SCHIP1: variants seen among roughly 807,000 people sequenced by gnomAD.
The protein encoded by SCHIP1 is schwannomin interacting protein 1, also known as schwannomin-interacting protein 1.
SCHIP1 carries 8 observed loss-of-function variants against 29.7 expected under a neutral mutation model. The ratio of observed to expected loss-of-function variants is 0.27; its 90% CI spans 0.16 to 0.49. The LOEUF (loss-of-function observed/expected upper bound fraction) is 0.49. Ranked by LOEUF, SCHIP1 falls within the 20% of genes least tolerant of loss-of-function variation. SCHIP1 has a pLI of 0.99. For missense variants in SCHIP1, 193 were observed against 294.6 expected, an observed-to-expected ratio of 0.66 and a Z score of 2.52; for synonymous variants, 76 against 94.9, an observed-to-expected ratio of 0.80 and a Z score of 1.16.
chr3:159,408,376 CA>C, the SCHIP1 span, among the ~76,000 whole-genome samples: 1 of 135,634 alleles, frequency 7.4e-6, no homozygotes, highest in East Asian at 2.1e-4. Flanking sequence ...ATTAATGAAA[CA>C]AAAAGTTGGT....
chr3:159,499,068 C>G, the SCHIP1 span, among the ~76,000 whole-genome samples: 4 of 152,260 alleles, frequency 2.6e-5, no homozygotes, highest in Admixed American at 2.6e-4. Context: ...GATTTCAACC[C>G]CACCCCCATT....
chr3:159,374,567 A>C, the SCHIP1 span, among the ~76,000 whole-genome samples: 3 of 152,186 alleles, frequency 2.0e-5, no homozygotes, highest in Non-Finnish European at 4.4e-5. Context: ...TAATGATGAG[A>C]CATGACAAAA....
chr3:159,602,583 C>A, the SCHIP1 span, among the ~76,000 whole-genome samples: 1 of 152,074 alleles, frequency 6.6e-6, no homozygotes, highest in Middle Eastern at 3.4e-3. Context: ...GTGGCAGGCA[C>A]CTGTAATCCC....
the SCHIP1 span, among the ~76,000 whole-genome samples, chr3:159,717,547 T>G: frequency 6.6e-6 from 1 of 152,068 alleles, no homozygotes; most frequent in Non-Finnish European, 1.5e-5. Flanking sequence ...ATAAAGGGGA[T>G]ATCACCACCA....
At chr3:159,545,816 G>T in the SCHIP1 span, among the ~76,000 whole-genome samples, 1 of 150,326 alleles carries the variant, frequency 6.7e-6, no homozygotes, top group African/African-American at 2.4e-5. Context: ...CATTTGTTCT[G>T]TCCCTCTAGA....
At chr3:159,409,271 C>T in the SCHIP1 span, among the ~76,000 whole-genome samples, 1 of 151,934 alleles carries the variant, frequency 6.6e-6, no homozygotes, top group African/African-American at 2.4e-5. Context: ...CAATATAATG[C>T]TGGAATTCCT....
chr3:159,825,053 A>G, the SCHIP1 span, among the ~76,000 whole-genome samples: 1 of 152,234 alleles, frequency 6.6e-6, no homozygotes, highest in Non-Finnish European at 1.5e-5. Flanking sequence ...TATTCTTTAG[A>G]TATAAGAATT....
chr3:159,762,525 G>T, the SCHIP1 span, among the ~76,000 whole-genome samples: 2 of 152,198 alleles, frequency 1.3e-5, no homozygotes, highest in Non-Finnish European at 2.9e-5. Flanking sequence ...GTCCAGGCTA[G>T]AATTCACTGG....
At chr3:159,610,770 G>A in the SCHIP1 span, among the ~76,000 whole-genome samples, 116 of 152,162 alleles carry the variant, frequency 7.6e-4, no homozygotes, top group African/African-American at 2.7e-3. Flanking sequence ...GAGCTTGCAT[G>A]GAAGATGGTT....
the SCHIP1 span, among the ~76,000 whole-genome samples, chr3:159,631,198 G>A: frequency 6.6e-6 from 1 of 151,788 alleles, no homozygotes; most frequent in Middle Eastern, 3.2e-3. Context: ...AACAAGTGTT[G>A]GCAACAATAT....
At chr3:159,740,310 C>G in the SCHIP1 span, among the ~76,000 whole-genome samples, 2 of 152,210 alleles carry the variant, frequency 1.3e-5, no homozygotes, top group African/African-American at 4.8e-5. Flanking sequence ...AATGGTTCCA[C>G]TGAGTGGTAG....
chr3:159,678,211 C>G, the SCHIP1 span, among the ~76,000 whole-genome samples: 1 of 152,196 alleles, frequency 6.6e-6, no homozygotes, highest in Admixed American at 6.5e-5. Context: ...GTCTGAACTC[C>G]CATAAATTGT....
At chr3:159,406,693 A>G in the SCHIP1 span, among the ~76,000 whole-genome samples, 1 of 152,218 alleles carries the variant, frequency 6.6e-6, no homozygotes, top group South Asian at 2.1e-4. Context: ...TTTTCAAGAC[A>G]TAGACAGTAT....
the SCHIP1 span, among the ~76,000 whole-genome samples, chr3:159,604,399 TCTC>T: frequency 1.3e-5 from 2 of 152,154 alleles, no homozygotes; most frequent in African/African-American, 2.4e-5. Context: ...CTCCTTGCTG[TCTC>T]CTCATGCCAA....
At chr3:159,602,187 T>C in the SCHIP1 span, among the ~76,000 whole-genome samples, 4 of 152,216 alleles carry the variant, frequency 2.6e-5, no homozygotes, top group Admixed American at 6.5e-5. Context: ...ACCACGTTCC[T>C]CTAGGCTCCT....
the SCHIP1 span, among the ~76,000 whole-genome samples, chr3:159,752,604 T>C: frequency 2.6e-5 from 4 of 152,254 alleles, no homozygotes; most frequent in East Asian, 3.9e-4. Context: ...GTGTCTCGCA[T>C]GGTGGAAGCA....
chr3:159,730,301 T>G, the SCHIP1 span, among the ~76,000 whole-genome samples: 1 of 152,282 alleles, frequency 6.6e-6, no homozygotes, highest in East Asian at 1.9e-4. Context: ...GCCTTAGTCT[T>G]CTGGCCTATA....
chr3:159,448,938 T>G, the SCHIP1 span, among the ~76,000 whole-genome samples: 1 of 152,218 alleles, frequency 6.6e-6, no homozygotes. Flanking sequence ...TCAACTTTCA[T>G]GTCTACTCCT....
chr3:159,550,771 G>A, the SCHIP1 span, among the ~76,000 whole-genome samples: 1 of 152,066 alleles, frequency 6.6e-6, no homozygotes, highest in Non-Finnish European at 1.5e-5. Flanking sequence ...AATCACAGTT[G>A]TAGAGGCAGA....
Sources: gnomAD v4.1 joint callset for allele counts (sites outside exome capture counted in the v4.1 genomes callset) on GRCh38, gnomAD v4.1.1 for gene constraint, MANE v1.5 for transcripts, NCBI Gene and HGNC (gene_info 2026-07-23, HGNC 2026-07-21) for gene names.